The following GASK1B variants were observed in gnomAD, a reference collection of about 807,000 sequenced individuals.
The protein encoded by GASK1B is golgi associated kinase 1B, also known as Golgi-associated kinase 1B.
A neutral mutation model predicts 42.8 loss-of-function variants in GASK1B; 34 were observed. The ratio of observed to expected loss-of-function variants is 0.79; its 90% CI spans 0.60 to 1.06. The LOEUF is 1.06. Among genes scored for constraint, GASK1B ranks in the 50% least tolerant of loss-of-function variants. The pLI is 0.00. For synonymous variants in GASK1B, 262 were observed against 259.1 expected (o/e 1.01, Z -0.11); for missense variants, 686 against 661.0 (o/e 1.04, Z -0.42).
In GASK1B at chr4:158,130,975, C is replaced by T; in HGVS notation, c.1163G>A (p.Arg388Lys). 6.2e-7 allele frequency: 1 copy of T among 1,613,980 alleles called. No individual in the cohort carries two copies. The highest frequency in any genetic ancestry group is 8.5e-7 in the Non-Finnish European group (1 of 1,179,930). Residue 388 changes from arginine to lysine, a missense_variant, in exon 4 of 5, where the codon AGA (arginine) becomes AAA (lysine). By Grantham distance (26) the Arg-to-Lys change is conservative. Transcript: ENST00000585682. ...TACACAGGCATCTTCCTTGCGAGGT[C>T]TGAATCCACAGCAATTTGTATCTAA... is the stretch of plus-strand genomic sequence containing the variant. ...NRLDTNCCGF[R>K]PRKEDACVQN...
intron 3 of GASK1B, among the ~76,000 whole-genome samples, chr4:158,152,266 A>C (rs948426691): frequency 6.6e-6 from 1 of 152,122 alleles, no homozygotes; most frequent in African/African-American, 2.4e-5. Flanking sequence ...TGATTGTGTG[A>C]GTCAATACTC....
chr4:158,133,251 C>A (rs577359381), intron 3 of GASK1B, among the ~76,000 whole-genome samples: 1 of 152,066 alleles, frequency 6.6e-6, no homozygotes, highest in Non-Finnish European at 1.5e-5. Context: ...AATCTGTGTA[C>A]CATTTTATCA....
chr4:158,130,941 T>A lies in GASK1B; in HGVS notation c.1197A>T (p.Gly399=). ...PRKEDACVQN[G]LRPKCDDQGS... ...CTTGGTCATCACATTTTGGCCTCAA[T>A]CCATTCTGTACACAGGCATCTTCCT... The change falls in exon 4 of 5, where the codon GGA becomes GGT. Residue 399 remains glycine (G), a synonymous_variant. Transcript: ENST00000585682. 6.2e-7 allele frequency: 1 copy of A among 1,614,092 alleles called. No individual in the cohort carries two copies. The highest frequency in any genetic ancestry group is 8.5e-7 in the Non-Finnish European group (1 of 1,179,976).
intron 2 of GASK1B, chr4:158,170,053 T>C (rs989318355): frequency 8.1e-6 from 5 of 619,364 alleles, no homozygotes; most frequent in African/African-American, 1.8e-5. Flanking sequence ...GCTTCCCCCT[T>C]ACTTTTAAAA....
chr4:158,129,771 T>C (rs1310039872), intron 4 of GASK1B, among the ~76,000 whole-genome samples: 1 of 152,160 alleles, frequency 6.6e-6, no homozygotes, highest in African/African-American at 2.4e-5. Context: ...TTACCTATTT[T>C]ACCAAAGAAC....
intron 3 of GASK1B, 124 bp downstream of exon 3, chr4:158,155,487 A>G: frequency 1.2e-6 from 1 of 832,372 alleles, no homozygotes; most frequent in Non-Finnish European, 1.9e-6. Context: ...TTACTTTTGC[A>G]CCAAGCTAAT....
At chr4:158,151,989 C>T (rs566758843) in intron 3 of GASK1B, among the ~76,000 whole-genome samples, 1 of 152,166 alleles carries the variant, frequency 6.6e-6, no homozygotes, top group East Asian at 1.9e-4. Context: ...ATAAAGCAGG[C>T]AAAAAAGGTG....
chr4:158,148,195 C>T (rs1731406498), intron 3 of GASK1B, among the ~76,000 whole-genome samples: 1 of 152,076 alleles, frequency 6.6e-6, no homozygotes, highest in Non-Finnish European at 1.5e-5. Flanking sequence ...GCCTGGGGAA[C>T]AGAGCGAGAC....
At position 158,127,535 on chromosome 4, in the gene GASK1B, C is replaced by T; in HGVS notation, c.1432G>A (p.Val478Met). The T allele has an allele frequency of 6.2e-7, 1 of 1,613,744 alleles. No homozygotes were observed. Residue 478 changes from valine to methionine, a missense_variant, in exon 5 of 5, where the codon GTG (valine) becomes ATG (methionine). Val to Met is a conservative substitution (Grantham distance 21). Coordinates refer to ENST00000585682, the MANE Select transcript of GASK1B (RefSeq NM_001128424.2). ...KLLQSLFLDK[V>M]YWESQGGRQG... ...CTACCTCCTTGACTTTCCCAATACA[C>T]TTTATCAAGAAACAGAGACTGAAGA...
At chr4:158,143,911 G>GATGA in intron 3 of GASK1B, among the ~76,000 whole-genome samples, 1 of 152,084 alleles carries the variant, frequency 6.6e-6, no homozygotes, top group African/African-American at 2.4e-5. Context: ...ATTAAACTTA[G>GATGA]CATAATAAAA....
chr4:158,154,656 C>T (rs1560787755), intron 3 of GASK1B, among the ~76,000 whole-genome samples: 1 of 152,060 alleles, frequency 6.6e-6, no homozygotes. Context: ...TATATATATA[C>T]CATAGAATAC....
rs1732412395 is a variant in GASK1B, at chr4:158,170,165, G to A, written c.910+301C>T. The stretch of plus-strand genomic sequence containing the variant: ...TCCTCTCCTCATCATGCAAATTGCC[G>A]TTGGCTTTAATTAGATTTAATAAGC... On this transcript the variant is annotated intron_variant, in intron 2 of 4. Coordinates refer to ENST00000585682, the MANE Select transcript of GASK1B (RefSeq NM_001128424.2). 10 of 1,487,552 alleles carry A rather than the reference G, an allele frequency of 6.7e-6. No individual in the cohort carries two copies. In the East Asian group the frequency reaches 6.9e-5, roughly 10 times the overall value. 92.1% of individuals were successfully genotyped at this position (1,487,552 alleles called of 1,614,324 possible).
intron 3 of GASK1B, among the ~76,000 whole-genome samples, chr4:158,133,952 GT>G (rs1451467697): frequency 1.3e-5 from 2 of 152,154 alleles, no homozygotes; most frequent in Non-Finnish European, 2.9e-5. Context: ...ACCTGCAGAT[GT>G]AAAATCAGCT....
At chr4:158,160,876 A>G (rs956758265) in intron 2 of GASK1B, among the ~76,000 whole-genome samples, 1 of 152,206 alleles carries the variant, frequency 6.6e-6, no homozygotes, top group African/African-American at 2.4e-5. Flanking sequence ...CAAATACTGC[A>G]TGACCTCTCT....
chr4:158,162,683 G>T (rs1732071352), intron 2 of GASK1B, among the ~76,000 whole-genome samples: 1 of 152,158 alleles, frequency 6.6e-6, no homozygotes, highest in South Asian at 2.1e-4. Context: ...GAAAATAGGG[G>T]TGGTGGAAAC....
At chr4:158,170,110 G>T in intron 2 of GASK1B, 1 of 887,114 alleles carries the variant, frequency 1.1e-6, no homozygotes, top group Non-Finnish European at 1.7e-6. Context: ...ATGCCTGACT[G>T]TCAGCAAGTT....
At chr4:158,167,713 G>T in intron 2 of GASK1B, among the ~76,000 whole-genome samples, 1 of 152,210 alleles carries the variant, frequency 6.6e-6, no homozygotes, top group South Asian at 2.1e-4. Context: ...TTAAATAAAT[G>T]ATTATAATAC....
At chr4:158,162,753 A>G (rs1172051098) in intron 2 of GASK1B, among the ~76,000 whole-genome samples, 1 of 152,246 alleles carries the variant, frequency 6.6e-6, no homozygotes, top group Admixed American at 6.5e-5. Flanking sequence ...ACAGTTAGGC[A>G]TCATGGCTAC....
chr4:158,132,602 T>C (rs184730410), intron 3 of GASK1B, among the ~76,000 whole-genome samples: 72 of 152,360 alleles, frequency 4.7e-4, no homozygotes, highest in African/African-American at 1.7e-3. Flanking sequence ...TTACTGTATG[T>C]AAATGGACTT....
Sources: gnomAD v4.1 joint callset for allele counts (sites outside exome capture counted in the v4.1 genomes callset) on GRCh38, gnomAD v4.1.1 for gene constraint, MANE v1.5 for transcripts, NCBI Gene and HGNC (gene_info 2026-07-23, HGNC 2026-07-21) for gene names.